SMIM27: variants seen among roughly 807,000 people sequenced by gnomAD.
SMIM27 encodes transition zone microprotein 1.
A neutral mutation model predicts 1.8 loss-of-function variants in SMIM27; 3 were observed. The observed-to-expected ratio is 1.65, with a 90% CI of 0.75 to 4.28. The LOEUF is 4.28. SMIM27 is among the 30% of genes most tolerant of loss of function. SMIM27 has a pLI of 0.02. For missense variants in SMIM27, 63 were observed against 37.0 expected (o/e 1.70, Z -1.83); for synonymous variants, 19 against 13.9 (o/e 1.37, Z -0.82).
chr9:32,551,183 C>T (rs538578927), upstream of SMIM27: 1 of 628,586 alleles, frequency 1.6e-6, no homozygotes, highest in Non-Finnish European at 2.8e-6. Context: ...GCGCGACCCT[C>T]CCCATCTTGT....
downstream of SMIM27, among the ~76,000 whole-genome samples, chr9:32,554,624 G>C (rs1304170810): frequency 6.6e-6 from 1 of 152,154 alleles, no homozygotes; most frequent in East Asian, 1.9e-4. Flanking sequence ...CCCAATCCCT[G>C]CCATTCCCTG....
At chr9:32,552,131 C>G (rs569220600), upstream of SMIM27, 8 of 564,116 alleles carry the variant, frequency 1.4e-5, no homozygotes, top group South Asian at 1.7e-4. Flanking sequence ...TGCATTGCAA[C>G]TAGAAAGAAA....
chr9:32,562,866 TGCCAACACC>T (rs1821664503), intron 1 of SMIM27, among the ~76,000 whole-genome samples: 1 of 152,230 alleles, frequency 6.6e-6, no homozygotes, highest in Admixed American at 6.5e-5. Context: ...AAATTCTGAC[TGCCAACACC>T]GTCACTGTTC....
chr9:32,560,769 AT>A, intron 1 of SMIM27, among the ~76,000 whole-genome samples: 1 of 152,380 alleles, frequency 6.6e-6, no homozygotes, highest in Middle Eastern at 3.4e-3. Context: ...TTCAACTTCA[AT>A]TAATCCAAAG....
At chr9:32,560,780 G>A (rs1469208628) in intron 1 of SMIM27, among the ~76,000 whole-genome samples, 1 of 152,046 alleles carries the variant, frequency 6.6e-6, no homozygotes, top group African/African-American at 2.4e-5. Context: ...TTAATCCAAA[G>A]ATAGTAAAAA....
In SMIM27 at chr9:32,552,855, G is replaced by A; in HGVS notation, c.100G>A (p.Val34Met). 1.4e-6 allele frequency: 1 copy of A among 702,730 alleles called. No homozygotes were observed. 43.5% of individuals were successfully genotyped at this position (702,730 alleles called of 1,614,324 possible). A position where few individuals can be genotyped will look rare whatever the true frequency, so the allele number is the denominator to read the frequency against. The change falls in exon 2 of 2, where the codon GTG (valine) becomes ATG (methionine). Residue 34 changes from valine (V) to methionine (M), a missense_variant. Transcript: ENST00000692500. ...GGGCTGCATCATCTATGCTTCGATGGTGTCTGCAAGACGACAGCTAAGGAA... is the reference window on the plus strand; with the variant it reads ...GGGCTGCATCATCTATGCTTCGATGATGTCTGCAAGACGACAGCTAAGGAA... Reference protein sequence around the residue: ...SWGCIIYASMVSARRQLRKKY... With the variant: ...SWGCIIYASMMSARRQLRKKY...
intron 1 of SMIM27, chr9:32,566,193 G>A (rs1821783931): frequency 1.3e-6 from 1 of 759,060 alleles, no homozygotes; most frequent in South Asian, 1.5e-5. Flanking sequence ...ACCTTGTCTG[G>A]GGTTTGTAGA....
At chr9:32,556,228 G>C (rs1368545224), downstream of SMIM27, among the ~76,000 whole-genome samples, 1 of 152,224 alleles carries the variant, frequency 6.6e-6, no homozygotes, top group African/African-American at 2.4e-5. Flanking sequence ...CCATGAACAG[G>C]GGTCTGGGAA....
chr9:32,553,567 C>A (rs1821365183), downstream of SMIM27: 2 of 285,324 alleles, frequency 7.0e-6, no homozygotes, highest in Non-Finnish European at 1.3e-5. Context: ...CTGTTGCATA[C>A]CCTGATACCA....
downstream of SMIM27, among the ~76,000 whole-genome samples, chr9:32,557,667 C>G (rs147028857): frequency 0.019 from 2,764 of 146,368 alleles, 86 homozygotes; most frequent in African/African-American, 0.065. Flanking sequence ...TTAGTAGAGA[C>G]GGGGTTTCAC....
At chr9:32,556,843 CTACT>C (rs1563991456), downstream of SMIM27, among the ~76,000 whole-genome samples, 2 of 138,144 alleles carry the variant, frequency 1.4e-5, no homozygotes, top group Non-Finnish European at 3.2e-5. Context: ...GAGAAATCCC[CTACT>C]TTTTTTTTTT....
downstream of SMIM27, among the ~76,000 whole-genome samples, chr9:32,557,466 C>T (rs1394467922): frequency 6.6e-6 from 1 of 151,318 alleles, no homozygotes; most frequent in Non-Finnish European, 1.5e-5. Context: ...CCCGATACCC[C>T]CTACTTTTTT....
chr9:32,558,779 A>G, intron 1 of SMIM27: 2 of 553,872 alleles, frequency 3.6e-6, no homozygotes, highest in Non-Finnish European at 3.1e-6. Flanking sequence ...TTTTACAAGA[A>G]TACACAAAAC....
chr9:32,559,383 G>A (rs1451678469), intron 1 of SMIM27, among the ~76,000 whole-genome samples: 1 of 152,156 alleles, frequency 6.6e-6, no homozygotes, highest in Admixed American at 6.5e-5. Flanking sequence ...GCTTCCACTT[G>A]TGCCCTCCTA....
chr9:32,558,967 T>C, intron 1 of SMIM27: 1 of 1,565,734 alleles, frequency 6.4e-7, no homozygotes, highest in Non-Finnish European at 8.8e-7. Context: ...GTAATAAAAG[T>C]TAACTCTGTG....
downstream of SMIM27, among the ~76,000 whole-genome samples, chr9:32,555,374 GC>G (rs1330527342): frequency 2.6e-5 from 4 of 152,212 alleles, no homozygotes; most frequent in African/African-American, 9.7e-5. Flanking sequence ...GAGGGACACA[GC>G]CCTATGGCAA....
At chr9:32,559,299 C>T (rs1821562283) in intron 1 of SMIM27, among the ~76,000 whole-genome samples, 1 of 152,172 alleles carries the variant, frequency 6.6e-6, no homozygotes, top group South Asian at 2.1e-4. Flanking sequence ...CCAACTGGTT[C>T]TCATCACCAG....
chr9:32,551,743 C>T (rs571711029), upstream of SMIM27: 37 of 431,804 alleles, frequency 8.6e-5, no homozygotes, highest in Non-Finnish European at 1.4e-4. Flanking sequence ...ATCTCACGCG[C>T]GGCAGTTCAA....
chr9:32,566,272 C>G, intron 1 of SMIM27: 1 of 1,145,188 alleles, frequency 8.7e-7, no homozygotes. Flanking sequence ...TTTAGGTTCT[C>G]TGAGGTAGAA....
Sources: allele counts gnomAD v4.1 joint callset (sites outside exome capture counted in the v4.1 genomes callset), GRCh38; gene constraint gnomAD v4.1.1; transcripts MANE v1.5; gene names NCBI Gene and HGNC (gene_info 2026-07-23, HGNC 2026-07-21).